AHCYL2: variants seen among roughly 807,000 people sequenced by gnomAD.
AHCYL2 encodes S-adenosylhomocysteine hydrolase-like protein 2.
In AHCYL2, 28 loss-of-function variants were observed where a neutral mutation model predicts 81.4. The ratio of observed to expected loss-of-function variants is 0.34; its 90% CI spans 0.25 to 0.47. AHCYL2 has a LOEUF of 0.47. Among genes scored for constraint, AHCYL2 ranks in the 20% least tolerant of loss-of-function variants. The pLI, the probability that AHCYL2 is intolerant of heterozygous loss-of-function variation, is 1.00. For synonymous variants in AHCYL2, 272 were observed against 290.2 expected (o/e 0.94, Z 0.64); for missense variants, 551 against 785.1 (o/e 0.70, Z 3.56).
intron 1 of AHCYL2, among the ~76,000 whole-genome samples, chr7:129,372,207 C>T (rs11773220): frequency 0.032 from 4,810 of 152,312 alleles, 97 homozygotes; most frequent in Middle Eastern, 0.078. Flanking sequence ...TCAAAACCCT[C>T]TCACATCTTA....
chr7:129,319,664 A>G (rs1051820180), intron 1 of AHCYL2, among the ~76,000 whole-genome samples: 1 of 152,222 alleles, frequency 6.6e-6, no homozygotes, highest in South Asian at 2.1e-4. Context: ...TGCATTTTCT[A>G]GAATCTTAAA....
chr7:129,342,147 A>G (rs1793207515), intron 1 of AHCYL2, among the ~76,000 whole-genome samples: 1 of 152,216 alleles, frequency 6.6e-6, no homozygotes, highest in African/African-American at 2.4e-5. Flanking sequence ...ATGCAAAAGT[A>G]CAGGGGTGGA....
chr7:129,282,820 T>C (rs551419231), intron 1 of AHCYL2, among the ~76,000 whole-genome samples: 298 of 152,224 alleles, frequency 2.0e-3, no homozygotes, highest in African/African-American at 7.0e-3. Flanking sequence ...TACAGTTGAA[T>C]CCTTTCCTTA....
At chr7:129,282,822 C>A (rs566774119) in intron 1 of AHCYL2, among the ~76,000 whole-genome samples, 1 of 151,362 alleles carries the variant, frequency 6.6e-6, no homozygotes, top group South Asian at 2.1e-4. Flanking sequence ...CAGTTGAATC[C>A]TTTCCTTAAG....
Position 129,427,041 on chromosome 7 carries a change from A to G in AHCYL2, c.1832A>G (p.Tyr611Cys). The G allele has an allele frequency of 6.2e-7, 1 of 1,610,736 alleles. No individual in the cohort carries two copies. Among genetic ancestry groups the G allele is most frequent in the Non-Finnish European group, 8.5e-7 (1 of 1,177,016 alleles). Residue 611 changes from tyrosine to cysteine, a missense_variant and splice_region_variant, in exon 17 of 17, where the codon TAT (tyrosine) becomes TGT (cysteine). Physicochemically the swap from Tyr to Cys is radical, Grantham distance 194. This residue lies in a region of AHCYL2 where 316 missense variants were observed against 543.1 expected (regional missense o/e 0.58). Transcript: ENST00000325006. This position sits in a 1 kb window ranked among gnomAD's most constrained non-coding sequence, Gnocchi z 5.5. ...NGPFKPNYYR[Y>C] ...CTCATCTTTCTTTTTCCCTCCAGGT[A>G]TTAAGTTCCTGTAACTCAAACCAGA... is the stretch of plus-strand genomic sequence containing the variant.
At chr7:129,389,852 C>A in intron 4 of AHCYL2, 118 bp downstream of exon 4, 2 of 730,410 alleles carry the variant, frequency 2.7e-6, no homozygotes, top group South Asian at 2.4e-5. Context: ...GCTTATTAAT[C>A]CTTATAATGG....
chr7:129,411,686 A>T (rs982298781), intron 11 of AHCYL2, among the ~76,000 whole-genome samples: 1 of 151,802 alleles, frequency 6.6e-6, no homozygotes, highest in African/African-American at 2.4e-5. Flanking sequence ...TTGAACCTGG[A>T]AGGTGGAGGT....
At chr7:129,367,080 G>T (rs1203273115) in intron 1 of AHCYL2, among the ~76,000 whole-genome samples, 2 of 152,206 alleles carry the variant, frequency 1.3e-5, no homozygotes, top group Non-Finnish European at 2.9e-5. Context: ...AATCAGATGT[G>T]CATTTATCTC....
chr7:129,250,501 T>G (rs1795213007), intron 1 of AHCYL2, among the ~76,000 whole-genome samples: 1 of 152,244 alleles, frequency 6.6e-6, no homozygotes, highest in Admixed American at 6.5e-5. Context: ...TACTTCTTCT[T>G]GTCCAATGTA....
intron 1 of AHCYL2, among the ~76,000 whole-genome samples, chr7:129,346,237 A>C (rs1468985341): frequency 6.6e-6 from 1 of 152,198 alleles, no homozygotes; most frequent in Admixed American, 6.5e-5. Context: ...TGGTAAGAGC[A>C]GAGTTAAAGT....
intron 1 of AHCYL2, among the ~76,000 whole-genome samples, chr7:129,359,497 T>C (rs984520239): frequency 1.3e-4 from 20 of 152,242 alleles, no homozygotes; most frequent in Non-Finnish European, 2.4e-4. Flanking sequence ...AACTAAGTTA[T>C]GCTTCTATAA....
At chr7:129,389,313 A>T in intron 3 of AHCYL2, 114 bp downstream of exon 3, 2 of 1,285,602 alleles carry the variant, frequency 1.6e-6, no homozygotes, top group Non-Finnish European at 2.2e-6. Context: ...TGATAAGAAT[A>T]CTTATAACAA....
At chr7:129,297,178 AGAG>A (rs1797078439) in intron 1 of AHCYL2, among the ~76,000 whole-genome samples, 1 of 152,212 alleles carries the variant, frequency 6.6e-6, no homozygotes, top group South Asian at 2.1e-4. Context: ...GCTGCTCCAA[AGAG>A]GAGGAATTTC....
intron 1 of AHCYL2, among the ~76,000 whole-genome samples, chr7:129,343,530 C>T (rs1793260223): frequency 6.6e-6 from 1 of 152,036 alleles, no homozygotes; most frequent in Non-Finnish European, 1.5e-5. Flanking sequence ...CAGAAATAGA[C>T]CTCTACCTAT....
At chr7:129,387,682 A>G (rs1434330505) in intron 2 of AHCYL2, among the ~76,000 whole-genome samples, 1 of 152,206 alleles carries the variant, frequency 6.6e-6, no homozygotes, top group Non-Finnish European at 1.5e-5. Flanking sequence ...AGTAAAACAG[A>G]TGACTTCCCA....
At chr7:129,273,292 T>G (rs1453889720) in intron 1 of AHCYL2, among the ~76,000 whole-genome samples, 3 of 149,564 alleles carry the variant, frequency 2.0e-5, no homozygotes, top group Admixed American at 6.7e-5. Context: ...AAGATCTCAG[T>G]GATGCAACTG....
At chr7:129,278,455 T>C (rs1289957668) in intron 1 of AHCYL2, among the ~76,000 whole-genome samples, 1 of 152,186 alleles carries the variant, frequency 6.6e-6, no homozygotes, top group East Asian at 1.9e-4. Flanking sequence ...ATTCTAGATA[T>C]AAGTCCTTTA....
chr7:129,322,540 T>G (rs549829835), intron 1 of AHCYL2, among the ~76,000 whole-genome samples: 1 of 152,356 alleles, frequency 6.6e-6, no homozygotes, highest in Non-Finnish European at 1.5e-5. Flanking sequence ...CTTTGTGCCT[T>G]TCAAAGTATT....
rs926331753 is a variant in AHCYL2, at chr7:129,378,323, T to A, written c.364-1315T>A. On this transcript the variant is annotated intron_variant, in intron 1 of 16. Transcript: ENST00000325006. ...GAGACTCCATCTAAAAAAAAAAAAATAAATTTACTTACTAGTACTGGAAAG... is the reference window on the plus strand; with the variant it reads ...GAGACTCCATCTAAAAAAAAAAAAAAAAATTTACTTACTAGTACTGGAAAG... Among the ~76,000 whole-genome samples the A allele has an allele frequency of 5.4e-5, 8 of 146,840 alleles. No individual in the cohort carries two copies. In the East Asian group the frequency reaches 6.1e-4, roughly 11 times the overall value.
Sources: allele counts gnomAD v4.1 joint callset (sites outside exome capture counted in the v4.1 genomes callset), GRCh38; gene constraint gnomAD v4.1.1; regional missense constraint gnomAD v4.1.1; non-coding constraint Gnocchi (gnomAD v3.1); transcripts MANE v1.5; gene names NCBI Gene and HGNC (gene_info 2026-07-23, HGNC 2026-07-21).